Variants in AKT3 observed in about 807,000 individuals in gnomAD.
The protein encoded by AKT3 is RAC-gamma serine/threonine-protein kinase.
AKT3 carries 15 observed loss-of-function variants against 65.3 expected under a neutral mutation model. The ratio of observed to expected loss-of-function variants is 0.23; its 90% CI spans 0.15 to 0.35. AKT3 has a LOEUF of 0.35. AKT3 is among the 10% of genes least tolerant of loss of function. AKT3 has a pLI of 1.00. For synonymous variants in AKT3, 206 were observed against 183.8 expected, an observed-to-expected ratio of 1.12 and a Z score of -0.98; for missense variants, 243 against 576.5, an observed-to-expected ratio of 0.42 and a Z score of 5.92.
intron 6 of AKT3, among the ~76,000 whole-genome samples, chr1:243,622,923 C>T (rs538073595): frequency 5.9e-5 from 9 of 152,266 alleles, no homozygotes; most frequent in South Asian, 4.1e-4. Context: ...ATCAAGCAAA[C>T]GCATTGGGTT....
intron 2 of AKT3, among the ~76,000 whole-genome samples, chr1:243,747,828 G>A (rs1688570330): frequency 1.3e-5 from 2 of 152,172 alleles, no homozygotes; most frequent in Non-Finnish European, 2.9e-5. Flanking sequence ...TAGGTTTCTT[G>A]CAAACATGGC....
intron 12 of AKT3, among the ~76,000 whole-genome samples, chr1:243,531,911 T>C (rs1378268239): frequency 2.0e-5 from 3 of 152,232 alleles, no homozygotes; most frequent in African/African-American, 7.2e-5. Context: ...TTTTACATTG[T>C]TGATAGCTAG....
intron 9 of AKT3, 134 bp downstream of exon 9, chr1:243,572,792 T>A (rs984960301): frequency 2.6e-5 from 26 of 1,011,784 alleles, no homozygotes; most frequent in Non-Finnish European, 3.5e-5. Context: ...TGTAGTGAAC[T>A]AAATTTTTAA....
chr1:243,709,943 T>G (rs900904881), intron 2 of AKT3, among the ~76,000 whole-genome samples: 5 of 152,100 alleles, frequency 3.3e-5, no homozygotes, highest in Admixed American at 3.3e-4. Flanking sequence ...TCATCTTCTG[T>G]TCTAAAAAGT....
At chr1:243,690,707 A>C (rs1684634633) in intron 3 of AKT3, among the ~76,000 whole-genome samples, 1 of 151,600 alleles carries the variant, frequency 6.6e-6, no homozygotes, top group Non-Finnish European at 1.5e-5. Context: ...TCATCACCAT[A>C]AATCTAGGGG....
intron 2 of AKT3, among the ~76,000 whole-genome samples, chr1:243,727,349 G>A (rs1045988050): frequency 6.6e-6 from 1 of 152,028 alleles, no homozygotes; most frequent in Non-Finnish European, 1.5e-5. Flanking sequence ...GCTGGAGTGC[G>A]ATGGTACAAT....
chr1:243,706,617 G>A (rs1037432892), intron 2 of AKT3, among the ~76,000 whole-genome samples: 1 of 152,160 alleles, frequency 6.6e-6, no homozygotes, highest in African/African-American at 2.4e-5. Flanking sequence ...ATGAATCCAT[G>A]CCCTTCATAA....
At chr1:243,843,657 T>A in intron 1 of AKT3, 1 of 435,886 alleles carries the variant, frequency 2.3e-6, no homozygotes, top group African/African-American at 2.6e-5. Flanking sequence ...AAATTTTTTG[T>A]TTTTTTTTTT....
chr1:243,803,505 T>C (rs1292856286), intron 2 of AKT3, among the ~76,000 whole-genome samples: 1 of 152,150 alleles, frequency 6.6e-6, no homozygotes. Context: ...CCACTGCATC[T>C]TTATGAAAAC....
chr1:243,614,923 C>T (rs771535987), intron 7 of AKT3, among the ~76,000 whole-genome samples, 173 bp downstream of exon 7: 1 of 152,078 alleles, frequency 6.6e-6, no homozygotes, highest in Non-Finnish European at 1.5e-5. Context: ...TCAATGCATA[C>T]ACACTGTAAA....
chr1:243,711,190 G>A (rs992695550), intron 2 of AKT3, among the ~76,000 whole-genome samples: 4 of 152,150 alleles, frequency 2.6e-5, no homozygotes, highest in East Asian at 3.9e-4. Context: ...GTGGTGGCAC[G>A]TGCCTGTAGT....
At chr1:243,516,547 CCTTTTT>C (rs1221523651) in intron 12 of AKT3, among the ~76,000 whole-genome samples, 1 of 152,062 alleles carries the variant, frequency 6.6e-6, no homozygotes, top group Non-Finnish European at 1.5e-5. Flanking sequence ...TTTTCTAATT[CCTTTTT>C]CTTTTTCTTG....
chr1:243,535,196 AT>A (rs1260221773), intron 12 of AKT3, among the ~76,000 whole-genome samples: 4 of 6,764 alleles, frequency 5.9e-4, no homozygotes, highest in African/African-American at 9.1e-4. Flanking sequence ...ATTTTAAAAT[AT>A]ATTTTAAAAT....
chr1:243,721,671 AT>A (rs1204345085), intron 2 of AKT3, among the ~76,000 whole-genome samples: 1 of 151,520 alleles, frequency 6.6e-6, no homozygotes, highest in East Asian at 1.9e-4. Context: ...TTTTCTTACT[AT>A]TTTTTACATA....
chr1:243,723,707 G>A (rs975347874), intron 2 of AKT3, among the ~76,000 whole-genome samples: 1 of 152,104 alleles, frequency 6.6e-6, no homozygotes, highest in African/African-American at 2.4e-5. Context: ...GGGAGGGCTT[G>A]AGGACATCAT....
At chr1:243,656,455 G>A (rs1282148618) in intron 4 of AKT3, among the ~76,000 whole-genome samples, 2 of 152,222 alleles carry the variant, frequency 1.3e-5, no homozygotes, top group African/African-American at 4.8e-5. Flanking sequence ...AATGTTATGG[G>A]TAAAATGATA....
intron 12 of AKT3, among the ~76,000 whole-genome samples, chr1:243,514,480 AT>A (rs1670215864): frequency 6.6e-6 from 1 of 152,124 alleles, no homozygotes. Context: ...CTATCTTCAC[AT>A]TGCTTTTTCT....
At chr1:243,572,630 A>T (rs1280806834) in intron 9 of AKT3, among the ~76,000 whole-genome samples, 1 of 152,210 alleles carries the variant, frequency 6.6e-6, no homozygotes. Context: ...ACATAATAAA[A>T]CTTGTTTTAA....
intron 13 of AKT3, among the ~76,000 whole-genome samples, chr1:243,511,960 T>A (rs1437438991): frequency 6.6e-6 from 1 of 152,160 alleles, no homozygotes; most frequent in African/African-American, 2.4e-5. Flanking sequence ...ATTCTGAAGG[T>A]TATGTGGGAA....
Sources: gnomAD v4.1 joint callset for allele counts (sites outside exome capture counted in the v4.1 genomes callset) on GRCh38, gnomAD v4.1.1 for gene constraint, MANE v1.5 for transcripts, NCBI Gene and HGNC (gene_info 2026-07-23, HGNC 2026-07-21) for gene names.